Variants in ANKRD11 observed in about 807,000 individuals in gnomAD.
The protein encoded by ANKRD11 is ankyrin repeat domain 11, also known as ankyrin repeat domain-containing protein 11.
ANKRD11 carries 17 observed loss-of-function variants against 195.7 expected under a neutral mutation model. The ratio of observed to expected loss-of-function variants is 0.09; its 90% CI spans 0.06 to 0.13. ANKRD11 has a LOEUF of 0.13. ANKRD11 is among the 10% of genes least tolerant of loss of function. The probability of loss-of-function intolerance (pLI) is 1.00; values close to 1 mark genes in which losing one functional copy is unlikely to be tolerated. For missense variants in ANKRD11, 3,735 were observed against 3,566.1 expected (o/e 1.05, Z -1.21); for synonymous variants, 1,953 against 1,528.1 (o/e 1.28, Z -6.49).
intron 12 of ANKRD11, among the ~76,000 whole-genome samples, chr16:89,269,015 C>T (rs1239355703): frequency 1.3e-5 from 2 of 152,256 alleles, no homozygotes; most frequent in African/African-American, 2.4e-5. Flanking sequence ...TTTACAATTA[C>T]TTACGGCCAG....
In ANKRD11 at chr16:89,458,121, T is replaced by C. The variant is rs184770100; in HGVS notation, c.-145+32124A>G. Among the ~76,000 whole-genome samples, 47 of 152,248 alleles carry C rather than the reference T, an allele frequency of 3.1e-4. 1 individual carries two copies. Among genetic ancestry groups the C allele is most frequent in the Admixed American group, 2.8e-3 (43 of 15,294 alleles). ...CACAAAAAGAAAAAAAAAAGCTTTC[T>C]GAAACGGTGCTTTAGAGGTTTAACC... On this transcript the variant is annotated intron_variant, in intron 1 of 12. Transcript: ENST00000301030.
At position 89,384,669 on chromosome 16, in the gene ANKRD11, G is replaced by C. The variant is rs1178042428; in HGVS notation, c.-60+33615C>G. ...CTGACGGCTTCAAAGGAGCTGCGAAGACACAAACTACAGAAAGAATAGAAC... is the reference window on the plus strand; with the variant it reads ...CTGACGGCTTCAAAGGAGCTGCGAACACACAAACTACAGAAAGAATAGAAC... On this transcript the variant is annotated intron_variant, in intron 2 of 12. Transcript: ENST00000301030. Among the ~76,000 whole-genome samples the C allele has an allele frequency of 7.9e-5, 12 of 152,090 alleles. 1 individual carries two copies. Among genetic ancestry groups the C allele is most frequent in the Admixed American group, 7.9e-4 (12 of 15,254 alleles).
In ANKRD11 at chr16:89,280,472, G is replaced by GGGCAGGAGA. The variant is rs746078253; in HGVS notation, c.6061_6069dup (p.Ser2021_Ala2023dup). ...GGCTCAGCGACGGGCAGAGCGTACG[G>GGGCAGGAGA]GGCAGGAGAGGCGGGAGGGGCGGGG... On this transcript the variant is annotated inframe_insertion, in exon 9 of 13. Coordinates refer to ENST00000301030, the MANE Select transcript of ANKRD11 (RefSeq NM_013275.6). The GGGCAGGAGA allele has an allele frequency of 1.2e-5, 20 of 1,604,508 alleles. No homozygotes were observed. The highest frequency in any genetic ancestry group is 1.7e-5 in the Non-Finnish European group (20 of 1,175,668).
At chr16:89,432,642 T>C (rs2043030644) in intron 1 of ANKRD11, among the ~76,000 whole-genome samples, 1 of 152,202 alleles carries the variant, frequency 6.6e-6, no homozygotes. Context: ...GTATTGCTTT[T>C]ATATTTTTAT....
In ANKRD11 at chr16:89,285,238, G is replaced by A; in HGVS notation, c.1304C>T (p.Pro435Leu). 4 of 1,613,730 alleles carry A rather than the reference G, an allele frequency of 2.5e-6. No homozygotes were observed. The highest frequency in any genetic ancestry group is 3.4e-6 in the Non-Finnish European group (4 of 1,180,020). ...AGAAGGCTCTCGTGTCTTACTACCA[G>A]GCAATATCGTATGTGCCGAGAGTCT... is the stretch of plus-strand genomic sequence containing the variant. ...KLRLSAHTIL[P>L]GSKTREPSNA... The change falls in exon 9 of 13, where the codon CCT becomes CTT. Residue 435 changes from proline to leucine, a missense_variant. Coordinates refer to ENST00000301030, the MANE Select transcript of ANKRD11 (RefSeq NM_013275.6). The surrounding 1 kb of genome is among the most constrained non-coding windows in gnomAD (Gnocchi z 5.6).
At position 89,441,767 on chromosome 16, in the gene ANKRD11, CAAAAAAAAAAAAA is replaced by C. The variant is rs57747159; in HGVS notation, c.-144-23412_-144-23400del. Among the ~76,000 whole-genome samples the C allele has an allele frequency of 5.0e-3, 264 of 52,360 alleles. 11 individuals carry two copies. In the East Asian group the frequency reaches 0.1, roughly 20 times the overall value. The allele number at this position is 52,360 out of a possible 152,430, so 34.4% of individuals were successfully genotyped here. A position where few individuals can be genotyped will look rare whatever the true frequency, so the allele number is the denominator to read the frequency against. On this transcript the variant is annotated intron_variant, in intron 1 of 12. Transcript: ENST00000301030. ...GGGCAACAGAGCGAGACTCCGCCTA[CAAAAAAAAAAAAA>C]AAAAAAAAAAAAACGCAAACCTGAC... is the stretch of plus-strand genomic sequence containing the variant.
At chr16:89,330,073 A>G (rs1325638767) in intron 2 of ANKRD11, among the ~76,000 whole-genome samples, 2 of 152,194 alleles carry the variant, frequency 1.3e-5, no homozygotes, top group Non-Finnish European at 2.9e-5. Context: ...ATTAAATATA[A>G]ACATTTTAAT....
chr16:89,366,193 G>A (rs1220757143), intron 2 of ANKRD11, among the ~76,000 whole-genome samples: 1 of 150,468 alleles, frequency 6.6e-6, no homozygotes, highest in Non-Finnish European at 1.5e-5. Flanking sequence ...AGTATTCCAC[G>A]GTGTATATGC....
intron 1 of ANKRD11, among the ~76,000 whole-genome samples, chr16:89,433,012 ACACACACG>A (rs1310416758): frequency 8.6e-5 from 13 of 151,552 alleles, no homozygotes; most frequent in African/African-American, 3.2e-4. Context: ...ACACACACAC[ACACACACG>A]AAATATATGG....
chr16:89,356,035 A>G (rs1418941562), intron 2 of ANKRD11, among the ~76,000 whole-genome samples: 2 of 152,178 alleles, frequency 1.3e-5, no homozygotes, highest in Non-Finnish European at 2.9e-5. Context: ...GAGCCCAGAT[A>G]GCGCCCCTGC....
intron 1 of ANKRD11, among the ~76,000 whole-genome samples, chr16:89,475,221 C>G (rs571902812): frequency 6.6e-6 from 1 of 152,328 alleles, no homozygotes; most frequent in East Asian, 1.9e-4. Context: ...GACCACTCCA[C>G]TGGAGAACAA....
intron 2 of ANKRD11, among the ~76,000 whole-genome samples, chr16:89,325,432 T>A (rs1169196361): frequency 7.4e-6 from 1 of 135,926 alleles, no homozygotes; most frequent in African/African-American, 2.9e-5. Context: ...AGCCAGACCC[T>A]CTCCCCTCTC....
rs959656893 is a variant in ANKRD11, at chr16:89,379,082, A to C, written c.-60+39202T>G. Among the ~76,000 whole-genome samples, 12 of 152,338 alleles carry C rather than the reference A, an allele frequency of 7.9e-5. No homozygotes were observed. The East Asian group carries it at 2.3e-3, about 29-fold the overall frequency. On this transcript the variant is annotated intron_variant, in intron 2 of 12. Coordinates refer to ENST00000301030, the MANE Select transcript of ANKRD11 (RefSeq NM_013275.6). Reference sequence around the variant, plus strand: ...AAAACTTAGGGTCGTCCATGCCCAGAACGTCGGCAGTGCGGACCAGCCCCA... The same window carrying C: ...AAAACTTAGGGTCGTCCATGCCCAGCACGTCGGCAGTGCGGACCAGCCCCA...
chr16:89,293,404 T>G (rs999465687), intron 4 of ANKRD11, among the ~76,000 whole-genome samples: 1 of 149,620 alleles, frequency 6.7e-6, no homozygotes, highest in African/African-American at 2.5e-5. Context: ...TGGGGCAGAG[T>G]TGGGGTTGCG....
rs1378273005 is a variant in ANKRD11, at chr16:89,291,315, T to C, written c.227-132A>G. ...CTGACAGAGCAGAAAGGAAGGTCTG[T>C]GTATGGGGAAAGCACAGCGGTGCTG... On this transcript the variant is annotated intron_variant, in intron 4 of 12. Coordinates refer to ENST00000301030, the MANE Select transcript of ANKRD11 (RefSeq NM_013275.6). This position sits in a 1 kb window ranked among gnomAD's most constrained non-coding sequence, Gnocchi z 5.3. 5.9e-6 allele frequency: 7 copies of C among 1,178,144 alleles called. No individual in the cohort carries two copies. Among genetic ancestry groups the C allele is most frequent in the African/African-American group, 4.6e-5 (3 of 65,756 alleles). 73.0% of individuals were successfully genotyped at this position (1,178,144 alleles called of 1,614,324 possible).
intron 4 of ANKRD11, among the ~76,000 whole-genome samples, chr16:89,293,337 G>A (rs866947548): frequency 6.6e-6 from 1 of 152,178 alleles, no homozygotes; most frequent in African/African-American, 2.4e-5. Context: ...AGTGAAAAGC[G>A]AGTGGGCCCC....
chr16:89,312,754 G>C (rs975952869), intron 3 of ANKRD11, among the ~76,000 whole-genome samples: 13 of 152,216 alleles, frequency 8.5e-5, no homozygotes, highest in Non-Finnish European at 1.6e-4. Context: ...TCTGGGCTCT[G>C]TTCTGAGTAC....
At chr16:89,319,806 T>A (rs2037194604) in intron 2 of ANKRD11, among the ~76,000 whole-genome samples, 1 of 152,134 alleles carries the variant, frequency 6.6e-6, no homozygotes, top group East Asian at 1.9e-4. Context: ...CACTCTAGAG[T>A]CTTTTTCAAT....
chr16:89,484,943 C>T (rs2152379428), intron 1 of ANKRD11, among the ~76,000 whole-genome samples: 1 of 152,268 alleles, frequency 6.6e-6, no homozygotes, highest in East Asian at 1.9e-4. Context: ...GGAAACAGGT[C>T]TCACCCTCCA....
Sources: gnomAD v4.1 joint callset for allele counts (sites outside exome capture counted in the v4.1 genomes callset) on GRCh38, gnomAD v4.1.1 for gene constraint, Gnocchi (gnomAD v3.1) non-coding constraint, MANE v1.5 for transcripts, NCBI Gene and HGNC (gene_info 2026-07-23, HGNC 2026-07-21) for gene names.